Variants in MSRA observed in about 807,000 individuals in gnomAD.
MSRA encodes mitochondrial peptide methionine sulfoxide reductase.
A neutral mutation model predicts 31.3 loss-of-function variants in MSRA; 54 were observed. The ratio of observed to expected loss-of-function variants is 1.73; its 90% CI spans 1.39 to 2.17. The LOEUF is 2.17. Among genes scored for constraint, MSRA ranks in the 30% most tolerant of loss-of-function variants. The pLI is 0.00. For missense variants in MSRA, 507 were observed against 300.9 expected, an observed-to-expected ratio of 1.69 and a Z score of -5.07; for synonymous variants, 169 against 116.5, an observed-to-expected ratio of 1.45 and a Z score of -2.90.
intron 3 of MSRA, among the ~76,000 whole-genome samples, chr8:10,283,802 C>CATATATATATATAT (rs375322603): frequency 4.1e-4 from 19 of 46,148 alleles, no homozygotes; most frequent in East Asian, 2.5e-3. Context: ...TATTCTATCT[C>CATATATATATATAT]ATATATATAT....
chr8:10,267,293 G>C (rs530762943), intron 3 of MSRA, among the ~76,000 whole-genome samples: 1 of 152,344 alleles, frequency 6.6e-6, no homozygotes, highest in African/African-American at 2.4e-5. Flanking sequence ...ACAGCCAAGA[G>C]AGAAGTTTGT....
intron 3 of MSRA, among the ~76,000 whole-genome samples, chr8:10,262,828 C>T (rs1369418429): frequency 2.0e-5 from 3 of 152,184 alleles, no homozygotes; most frequent in Non-Finnish European, 2.9e-5. Context: ...GTTGCATGCC[C>T]GAATGTTGGC....
At chr8:10,383,234 C>A (rs1317862255) in intron 5 of MSRA, among the ~76,000 whole-genome samples, 1 of 152,120 alleles carries the variant, frequency 6.6e-6, no homozygotes, top group Non-Finnish European at 1.5e-5. Context: ...CACAGGAGCT[C>A]CTGTGTGAGA....
intron 1 of MSRA, among the ~76,000 whole-genome samples, chr8:10,086,510 A>G (rs1463524705): frequency 2.6e-5 from 4 of 152,174 alleles, no homozygotes; most frequent in East Asian, 1.9e-4. Context: ...TTTCTACCCT[A>G]TATATGAATC....
At chr8:10,258,826 G>A (rs1798317065) in intron 3 of MSRA, among the ~76,000 whole-genome samples, 1 of 152,238 alleles carries the variant, frequency 6.6e-6, no homozygotes, top group South Asian at 2.1e-4. Context: ...CAGATAGACA[G>A]CGAGGTGCGG....
At chr8:10,339,792 C>T (rs111296797) in intron 5 of MSRA, among the ~76,000 whole-genome samples, 26,402 of 151,670 alleles carry the variant, frequency 0.17, 3,091 homozygotes, top group Non-Finnish European at 0.26. Context: ...CCCCCCGCCT[C>T]GGCCTCCCAA....
At chr8:10,068,164 G>C (rs979804098) in intron 1 of MSRA, among the ~76,000 whole-genome samples, 9 of 152,138 alleles carry the variant, frequency 5.9e-5, no homozygotes, top group Non-Finnish European at 1.0e-4. Context: ...GATTACAGGT[G>C]TGAGCCACCA....
chr8:10,256,369 C>G (rs567668529), intron 3 of MSRA, among the ~76,000 whole-genome samples: 36 of 152,332 alleles, frequency 2.4e-4, no homozygotes, highest in African/African-American at 8.4e-4. Context: ...GTCTATTCCC[C>G]TGCCGAAGAA....
intron 2 of MSRA, among the ~76,000 whole-genome samples, chr8:10,228,685 C>G (rs989574031): frequency 6.6e-6 from 1 of 152,166 alleles, no homozygotes; most frequent in African/African-American, 2.4e-5. Flanking sequence ...TCATGGGAAT[C>G]CAGAGTCTGC....
At chr8:10,120,773 A>T (rs73528974) in intron 1 of MSRA, among the ~76,000 whole-genome samples, 9,468 of 152,228 alleles carry the variant, frequency 0.062, 418 homozygotes, top group African/African-American at 0.13. Flanking sequence ...GTTAATTGGG[A>T]AGCCTTGTTC....
At chr8:10,281,835 A>T (rs1041824412) in intron 3 of MSRA, among the ~76,000 whole-genome samples, 11 of 152,184 alleles carry the variant, frequency 7.2e-5, no homozygotes, top group South Asian at 4.1e-4. Context: ...GGATCCAAAC[A>T]TCTGAAGCTT....
intron 1 of MSRA, among the ~76,000 whole-genome samples, chr8:10,173,897 A>T (rs894141575): frequency 3.9e-5 from 6 of 152,182 alleles, no homozygotes; most frequent in Non-Finnish European, 5.9e-5. Context: ...TGCACGGAAG[A>T]CTGAGGACCT....
At chr8:10,241,505 A>G (rs1030870889) in intron 2 of MSRA, among the ~76,000 whole-genome samples, 2 of 152,358 alleles carry the variant, frequency 1.3e-5, no homozygotes, top group African/African-American at 4.8e-5. Flanking sequence ...GACACTATGT[A>G]AATGGATGAA....
intron 1 of MSRA, among the ~76,000 whole-genome samples, chr8:10,072,748 AT>A (rs1485660322): frequency 3.9e-5 from 6 of 152,314 alleles, no homozygotes; most frequent in Admixed American, 1.3e-4. Flanking sequence ...CTTTCCATTT[AT>A]TTAAGTTGCC....
At chr8:10,283,352 C>T (rs1004201552) in intron 3 of MSRA, among the ~76,000 whole-genome samples, 4 of 152,090 alleles carry the variant, frequency 2.6e-5, no homozygotes, top group African/African-American at 9.7e-5. Context: ...GAGTATTGTG[C>T]TCCTATCCAG....
intron 5 of MSRA, among the ~76,000 whole-genome samples, chr8:10,343,999 T>G (rs1382720423): frequency 6.6e-6 from 1 of 152,122 alleles, no homozygotes; most frequent in African/African-American, 2.4e-5. Flanking sequence ...TACCCAAAGA[T>G]CACTTTGAAG....
chr8:10,310,433 A>G (rs142457658), intron 4 of MSRA, among the ~76,000 whole-genome samples: 1 of 152,366 alleles, frequency 6.6e-6, no homozygotes, highest in African/African-American at 2.4e-5. Context: ...TGCTGTTTGC[A>G]AAAGTGTTAT....
At chr8:10,244,427 T>C (rs928549403) in intron 2 of MSRA, among the ~76,000 whole-genome samples, 1 of 152,194 alleles carries the variant, frequency 6.6e-6, no homozygotes, top group African/African-American at 2.4e-5. Context: ...ACACAATGTT[T>C]GCTAGTTGAA....
chr8:10,365,705 G>A (rs941296485), intron 5 of MSRA, among the ~76,000 whole-genome samples: 1 of 152,230 alleles, frequency 6.6e-6, no homozygotes, highest in African/African-American at 2.4e-5. Flanking sequence ...TCAGGGAGAA[G>A]GGATCACCTC....
Sources: gnomAD v4.1 joint callset for allele counts (sites outside exome capture counted in the v4.1 genomes callset) on GRCh38, gnomAD v4.1.1 for gene constraint, MANE v1.5 for transcripts, NCBI Gene and HGNC (gene_info 2026-07-23, HGNC 2026-07-21) for gene names.